DLGAP1: variants seen among roughly 807,000 people sequenced by gnomAD.
DLGAP1 encodes disks large-associated protein 1.
In DLGAP1, 11 loss-of-function variants were observed where a neutral mutation model predicts 90.8. That is an observed-to-expected ratio of 0.12 (90% confidence interval 0.08 to 0.20). The LOEUF is 0.20. DLGAP1 is among the 10% of genes least tolerant of loss of function. The pLI is 1.00. For synonymous variants in DLGAP1, 558 were observed against 540.7 expected (o/e 1.03, Z -0.44); for missense variants, 1,050 against 1,333.8 (o/e 0.79, Z 3.31).
intron 1 of DLGAP1, among the ~76,000 whole-genome samples, chr18:4,195,515 C>T (rs1323798623): frequency 6.6e-6 from 1 of 152,032 alleles, no homozygotes; most frequent in Non-Finnish European, 1.5e-5. Context: ...ATTCAACTAT[C>T]GGGTGTTATT....
intron 2 of DLGAP1, among the ~76,000 whole-genome samples, chr18:4,131,454 T>A (rs1017722154): frequency 1.3e-5 from 2 of 152,208 alleles, no homozygotes; most frequent in African/African-American, 2.4e-5. Context: ...AGGGCCATAC[T>A]TCCTCTGTTG....
chr18:4,349,846 T>C (rs1442697558), intron 1 of DLGAP1, among the ~76,000 whole-genome samples: 1 of 152,172 alleles, frequency 6.6e-6, no homozygotes, highest in Admixed American at 6.5e-5. Flanking sequence ...TTTGTGAGGC[T>C]TACACGTGTT....
chr18:4,096,681 T>C (rs1172290314), intron 2 of DLGAP1, among the ~76,000 whole-genome samples: 6 of 152,198 alleles, frequency 3.9e-5, no homozygotes, highest in Admixed American at 6.5e-5. Flanking sequence ...TGGAGCCGAA[T>C]AGGTTCAGAG....
At chr18:4,268,454 A>G (rs111911428) in intron 1 of DLGAP1, among the ~76,000 whole-genome samples, 3,873 of 152,328 alleles carry the variant, frequency 0.025, 102 homozygotes, top group African/African-American at 0.063. Context: ...TGATGCTGAA[A>G]TAGGTATTAG....
intron 5 of DLGAP1, among the ~76,000 whole-genome samples, chr18:3,801,875 T>A (rs906415158): frequency 6.6e-6 from 1 of 152,204 alleles, no homozygotes; most frequent in Non-Finnish European, 1.5e-5. Flanking sequence ...TATACTCATG[T>A]AAATAATATA....
At chr18:3,924,619 G>C (rs2072340781) in intron 3 of DLGAP1, among the ~76,000 whole-genome samples, 1 of 152,070 alleles carries the variant, frequency 6.6e-6, no homozygotes, top group Non-Finnish European at 1.5e-5. Context: ...TCCCCATAAG[G>C]TGCTACCCAG....
intron 7 of DLGAP1, among the ~76,000 whole-genome samples, chr18:3,726,157 C>A (rs185019146): frequency 6.6e-6 from 1 of 152,136 alleles, no homozygotes; most frequent in East Asian, 1.9e-4. Flanking sequence ...AAATAATGAG[C>A]AAAGGAAGAG....
chr18:4,443,327 G>A (rs752713279), intron 1 of DLGAP1, among the ~76,000 whole-genome samples: 2 of 152,162 alleles, frequency 1.3e-5, no homozygotes, highest in Non-Finnish European at 1.5e-5. Context: ...CACCAGTTCT[G>A]TTCCTGGATC....
chr18:4,079,904 G>A (rs2075580695), intron 2 of DLGAP1, among the ~76,000 whole-genome samples: 1 of 152,034 alleles, frequency 6.6e-6, no homozygotes, highest in Admixed American at 6.6e-5. Context: ...CAGAAAGCAA[G>A]CTCTTCCTTA....
At chr18:3,740,976 T>TCACCACCACCACCACCATCAC (rs2062893516) in intron 6 of DLGAP1, among the ~76,000 whole-genome samples, 4 of 77,164 alleles carry the variant, frequency 5.2e-5, no homozygotes, top group South Asian at 4.7e-4. Flanking sequence ...CACCATCACA[T>TCACCACCACCACCACCATCAC]CACCACCACC....
At chr18:4,363,241 C>T (rs143180978) in intron 1 of DLGAP1, among the ~76,000 whole-genome samples, 7 of 152,222 alleles carry the variant, frequency 4.6e-5, no homozygotes, top group East Asian at 1.9e-4. Context: ...AGGAAGGGCC[C>T]GGGCTATCCA....
intron 2 of DLGAP1, among the ~76,000 whole-genome samples, chr18:4,097,910 T>C (rs1407805020): frequency 2.0e-5 from 3 of 152,206 alleles, no homozygotes; most frequent in Non-Finnish European, 4.4e-5. Flanking sequence ...TGGCTGCAGA[T>C]TCTTTTCCTT....
intron 1 of DLGAP1, among the ~76,000 whole-genome samples, chr18:4,164,539 C>T (rs180856607): frequency 6.6e-6 from 1 of 151,844 alleles, no homozygotes; most frequent in East Asian, 1.9e-4. Flanking sequence ...AATTAGCTGG[C>T]TGTGGTCATG....
chr18:4,206,682 T>G (rs970705552), intron 1 of DLGAP1, among the ~76,000 whole-genome samples: 8 of 152,190 alleles, frequency 5.3e-5, no homozygotes, highest in African/African-American at 1.9e-4. Flanking sequence ...TTTATGCCCC[T>G]TCACCTCTCT....
intron 2 of DLGAP1, among the ~76,000 whole-genome samples, chr18:4,100,880 C>T (rs1295525424): frequency 6.6e-6 from 1 of 152,218 alleles, no homozygotes; most frequent in African/African-American, 2.4e-5. Flanking sequence ...TCATCTCTTT[C>T]AGCCTTTATA....
At chr18:4,037,144 A>G (rs1348446330) in intron 2 of DLGAP1, among the ~76,000 whole-genome samples, 2 of 152,234 alleles carry the variant, frequency 1.3e-5, no homozygotes, top group East Asian at 3.8e-4. Flanking sequence ...AGAGTTGAGA[A>G]ACAGTAGCAA....
chr18:4,029,419 A>C (rs1256258485), intron 2 of DLGAP1, among the ~76,000 whole-genome samples: 1 of 152,154 alleles, frequency 6.6e-6, no homozygotes, highest in Non-Finnish European at 1.5e-5. Context: ...AGGACCTTCC[A>C]TATTGCTTTC....
intron 1 of DLGAP1, chr18:4,294,559 G>A (rs971643716): frequency 6.6e-6 from 1 of 152,316 alleles, no homozygotes; most frequent in Non-Finnish European, 1.5e-5. Flanking sequence ...AGAGCTTTTG[G>A]GGTCCCGCCC....
chr18:4,454,693 G>A lies in DLGAP1; in HGVS notation c.-267+313C>T, dbSNP rs1304020895. Among the ~76,000 whole-genome samples, 1 of 151,940 alleles carries A rather than the reference G, an allele frequency of 6.6e-6. No homozygotes were observed. The highest frequency in any genetic ancestry group is 1.5e-5 in the Non-Finnish European group (1 of 67,960). On this transcript the variant is annotated intron_variant, in intron 1 of 12. Transcript: ENST00000315677. The surrounding 1 kb of genome is among the most constrained non-coding windows in gnomAD (Gnocchi z 4.7). The stretch of plus-strand genomic sequence containing the variant: ...GGTGTTCTCCTCCCCTCCCCCTTCC[G>A]GGACCCTGTCGCAATTAGAAATCCT...
Sources: allele counts gnomAD v4.1 joint callset (sites outside exome capture counted in the v4.1 genomes callset), GRCh38; gene constraint gnomAD v4.1.1; non-coding constraint Gnocchi (gnomAD v3.1); transcripts MANE v1.5; gene names NCBI Gene and HGNC (gene_info 2026-07-23, HGNC 2026-07-21).